Variants in ABHD18 observed in about 807,000 individuals in gnomAD.
ABHD18 encodes the protein cardiolipin-specific deacylase, mitochondrial.
Under a neutral mutation model 65.9 loss-of-function variants are expected in ABHD18, and 55 were observed. The ratio of observed to expected loss-of-function variants is 0.84; its 90% CI spans 0.67 to 1.05. The LOEUF is 1.05. ABHD18 is among the 50% of genes least tolerant of loss of function. The probability of loss-of-function intolerance (pLI) is 0.00; values close to 1 mark genes in which losing one functional copy is unlikely to be tolerated. For synonymous variants in ABHD18, 181 were observed against 180.2 expected (o/e 1.00, Z -0.04); for missense variants, 533 against 558.5 (o/e 0.95, Z 0.46).
At chr4:128,007,291 T>C (rs1291229066) in intron 4 of ABHD18, among the ~76,000 whole-genome samples, 1 of 141,910 alleles carries the variant, frequency 7.0e-6, no homozygotes, top group Admixed American at 7.3e-5. Flanking sequence ...CGCACAATTG[T>C]GTCACCCAAT....
chr4:127,986,286 G>A (rs987071057), intron 3 of ABHD18, among the ~76,000 whole-genome samples: 1 of 152,048 alleles, frequency 6.6e-6, no homozygotes, highest in Non-Finnish European at 1.5e-5. Flanking sequence ...AACTTTTTTT[G>A]TCTGGCTTCT....
chr4:128,012,826 G>A (rs1348693208), intron 7 of ABHD18, among the ~76,000 whole-genome samples: 4 of 152,076 alleles, frequency 2.6e-5, no homozygotes, highest in Admixed American at 2.6e-4. Flanking sequence ...AGCACTTTGG[G>A]AGGCCAAGGT....
rs1759178572 is a variant in ABHD18, at chr4:128,039,533, A to G, written c.*3720A>G. The G allele has an allele frequency of 6.6e-6, 1 of 152,108 alleles. No homozygotes were observed. The highest frequency in any genetic ancestry group is 2.1e-4 in the South Asian group (1 of 4,832). The allele number at this position is 152,108 out of a possible 1,614,324, so 9.4% of individuals were successfully genotyped here. The stretch of plus-strand genomic sequence containing the variant: ...AAGGTTCTGAATTTCATGATTTGCT[A>G]ATGTAATTACTATTAAGTCATTTTA... On this transcript the variant is annotated 3_prime_UTR_variant, in exon 13 of 13. Coordinates refer to ENST00000645843, the MANE Select transcript of ABHD18 (RefSeq NM_001358451.3).
rs1213208364 is a variant in ABHD18 at position 128,030,799 on chromosome 4, T to A, written c.1343+127T>A. ...TCAATCTTTGAATTCCCTCCTCACC[T>A]CCCACAAATCTCACAGAGTTACTTT... On this transcript the variant is annotated intron_variant, in intron 12 of 12. Coordinates refer to ENST00000645843, the MANE Select transcript of ABHD18 (RefSeq NM_001358451.3). The A allele has an allele frequency of 5.0e-6, 7 of 1,405,510 alleles. No individual in the cohort carries two copies. The South Asian group carries it at 1.0e-4, about 21-fold the overall frequency. The allele number at this position is 1,405,510 out of a possible 1,614,324, so 87.1% of individuals were successfully genotyped here. A position where few individuals can be genotyped will look rare whatever the true frequency, so the allele number is the denominator to read the frequency against.
chr4:127,984,786 G>A (rs1017063795), intron 3 of ABHD18, among the ~76,000 whole-genome samples: 10 of 152,176 alleles, frequency 6.6e-5, no homozygotes, highest in Admixed American at 2.6e-4. Context: ...CTTGAACCCC[G>A]GAGGCGGAGG....
At chr4:127,981,142 A>G (rs1579172131) in intron 1 of ABHD18, among the ~76,000 whole-genome samples, 1 of 152,284 alleles carries the variant, frequency 6.6e-6, no homozygotes, top group East Asian at 1.9e-4. Context: ...TTAAATACTT[A>G]CAGTCTCTAA....
At chr4:128,016,316 T>G (rs991677455) in intron 7 of ABHD18, among the ~76,000 whole-genome samples, 13 of 152,126 alleles carry the variant, frequency 8.5e-5, no homozygotes, top group Admixed American at 2.6e-4. Flanking sequence ...AAATTCCAGT[T>G]GGTCTTTATT....
At chr4:128,012,082 A>G (rs969491219) in intron 7 of ABHD18, among the ~76,000 whole-genome samples, 4 of 150,470 alleles carry the variant, frequency 2.7e-5, no homozygotes, top group African/African-American at 5.0e-5. Context: ...GGTTCAAGCG[A>G]TTCTCTGCCT....
At chr4:128,035,729 T>C in intron 12 of ABHD18, 33 bp from the exon 13 acceptor site, 1 of 1,358,930 alleles carries the variant, frequency 7.4e-7, no homozygotes. Context: ...TTTTGTTAGT[T>C]ACTTAGAGTT....
rs551896665 is a variant in ABHD18 at position 128,016,698 on chromosome 4, C to T, written c.471-665C>T. Among the ~76,000 whole-genome samples, 3 of 121,536 alleles carry T rather than the reference C, an allele frequency of 2.5e-5. No homozygotes were observed. The East Asian group carries it at 7.7e-4, about 31-fold the overall frequency. 79.7% of individuals were successfully genotyped at this position (121,536 alleles called of 152,430 possible). On this transcript the variant is annotated intron_variant, in intron 7 of 12. Coordinates refer to ENST00000645843, the MANE Select transcript of ABHD18 (RefSeq NM_001358451.3). ...ACTGAGACAGGAGAATCGCTTGAAC[C>T]CTGGAGGTGGAGGCAGCAGTGAGCC...
Position 128,039,176 on chromosome 4 carries a change from T to C in ABHD18, c.*3363T>C, listed in dbSNP as rs1368264394. On this transcript the variant is annotated 3_prime_UTR_variant, in exon 13 of 13. Coordinates refer to ENST00000645843, the MANE Select transcript of ABHD18 (RefSeq NM_001358451.3). Reference sequence around the variant, plus strand: ...ATATATATATATATATATATATATATATATATATAATCTCAAAGAAGTGCG... The same window carrying C: ...ATATATATATATATATATATATATACATATATATAATCTCAAAGAAGTGCG... The C allele has an allele frequency of 1.7e-5, 2 of 120,896 alleles. No individual in the cohort carries two copies. Among genetic ancestry groups the C allele is most frequent in the Non-Finnish European group, 3.5e-5 (2 of 57,834 alleles). The allele number at this position is 120,896 out of a possible 1,614,324, so 7.5% of individuals were successfully genotyped here. A position where few individuals can be genotyped will look rare whatever the true frequency, so the allele number is the denominator to read the frequency against.
chr4:128,008,118 C>T (rs1184669413), intron 4 of ABHD18, among the ~76,000 whole-genome samples: 2 of 151,806 alleles, frequency 1.3e-5, no homozygotes, highest in Non-Finnish European at 2.9e-5. Context: ...AAAAATTAAC[C>T]AGGCGCAGTG....
At position 128,004,788 on chromosome 4, in the gene ABHD18, G is replaced by A. The variant is rs570595936; in HGVS notation, c.279-4132G>A. Among the ~76,000 whole-genome samples the A allele has an allele frequency of 1.1e-3, 163 of 151,908 alleles. 1 individual carries two copies. Among genetic ancestry groups the A allele is most frequent in the Non-Finnish European group, 2.0e-3 (137 of 67,974 alleles). ...TAGCTGGTTGTGGTGGTGTGTGCCT[G>A]TAATCCCAGCTACTCGAGAGGCTGA... On this transcript the variant is annotated intron_variant, in intron 4 of 12. Coordinates refer to ENST00000645843, the MANE Select transcript of ABHD18 (RefSeq NM_001358451.3).
chr4:128,016,822 C>G (rs1298533528), intron 7 of ABHD18, among the ~76,000 whole-genome samples: 1 of 152,128 alleles, frequency 6.6e-6, no homozygotes, highest in Non-Finnish European at 1.5e-5. Flanking sequence ...ATAATAATTT[C>G]AGTAAAGATT....
intron 1 of ABHD18, among the ~76,000 whole-genome samples, chr4:127,968,929 T>TA (rs923440168): frequency 1.3e-5 from 2 of 152,142 alleles, no homozygotes; most frequent in African/African-American, 4.8e-5. Flanking sequence ...TAGAAAGACT[T>TA]ACGTGTTTAG....
intron 1 of ABHD18, among the ~76,000 whole-genome samples, chr4:127,974,188 G>GTTTTTT (rs34967150): frequency 3.9e-5 from 4 of 101,488 alleles, no homozygotes; most frequent in Non-Finnish European, 8.3e-5. Context: ...CTTAAGTTCT[G>GTTTTTT]TTTTTTTTTT....
rs538548669 is a variant in ABHD18 at position 128,039,384 on chromosome 4, C to T, written c.*3571C>T. ...AAAGTCTTTTGATTGGGTGTGTGTT[C>T]CCCAGTTTGCCACAGCCTACTGGAC... On this transcript the variant is annotated 3_prime_UTR_variant, in exon 13 of 13. Transcript: ENST00000645843. The T allele has an allele frequency of 2.0e-3, 306 of 151,928 alleles. 3 individuals are homozygous for T. The highest frequency in any genetic ancestry group is 7.1e-3 in the African/African-American group (294 of 41,476). 9.4% of individuals were successfully genotyped at this position (151,928 alleles called of 1,614,324 possible).
At chr4:127,998,360 G>A (rs558117217) in intron 4 of ABHD18, among the ~76,000 whole-genome samples, 1 of 139,670 alleles carries the variant, frequency 7.2e-6, no homozygotes, top group Non-Finnish European at 1.5e-5. Context: ...TCGGCTTACT[G>A]CATTCTCCTG....
intron 7 of ABHD18, among the ~76,000 whole-genome samples, chr4:128,014,962 A>C (rs934186800): frequency 1.2e-4 from 19 of 152,208 alleles, no homozygotes; most frequent in African/African-American, 4.6e-4. Flanking sequence ...CCTGTAATCC[A>C]ACTACTCAGG....
Sources: gnomAD v4.1 joint callset for allele counts (sites outside exome capture counted in the v4.1 genomes callset) on GRCh38, gnomAD v4.1.1 for gene constraint, MANE v1.5 for transcripts, NCBI Gene and HGNC (gene_info 2026-07-23, HGNC 2026-07-21) for gene names.